BBOX1: variants seen among roughly 807,000 people sequenced by gnomAD.
The protein encoded by BBOX1 is gamma-butyrobetaine dioxygenase.
BBOX1 carries 35 observed loss-of-function variants against 41.6 expected under a neutral mutation model. The ratio of observed to expected loss-of-function variants is 0.84; its 90% CI spans 0.64 to 1.11. The LOEUF is 1.11. Among genes scored for constraint, BBOX1 ranks in the 50% most tolerant of loss-of-function variants. The pLI is 0.00. For synonymous variants in BBOX1, 163 were observed against 154.7 expected (o/e 1.05, Z -0.40); for missense variants, 458 against 460.6 (o/e 0.99, Z 0.05).
rs527266414 is a variant in BBOX1, at chr11:27,084,258, A to G, written c.335-8910A>G. On this transcript the variant is annotated intron_variant, in intron 4 of 8. Transcript: ENST00000263182. ...CTGTTGCCAAAGCAGTAACGTGTTC[A>G]TTACAACACGTTCCAGAGGTTTTCT... 7.2e-5 allele frequency among the ~76,000 whole-genome samples: 11 copies of G among 152,262 alleles called. No individual in the cohort carries two copies. In the South Asian group the frequency reaches 2.1e-3, roughly 29 times the overall value.
intron 5 of BBOX1, among the ~76,000 whole-genome samples, chr11:27,106,617 G>A (rs1463531046): frequency 6.6e-6 from 1 of 152,090 alleles, no homozygotes; most frequent in African/African-American, 2.4e-5. Flanking sequence ...AAGAGACTTA[G>A]TCTCCCACAC....
At chr11:27,106,095 T>A (rs1244159866) in intron 5 of BBOX1, among the ~76,000 whole-genome samples, 1 of 152,064 alleles carries the variant, frequency 6.6e-6, no homozygotes, top group African/African-American at 2.4e-5. Flanking sequence ...AAGGAAGCAC[T>A]AAACATGGAA....
At chr11:27,057,174 G>A (rs1306648881) in intron 3 of BBOX1, 27 bp from the exon 4 acceptor site, 5 of 1,468,558 alleles carry the variant, frequency 3.4e-6, no homozygotes, top group Non-Finnish European at 4.6e-6. Flanking sequence ...AATCCACATA[G>A]GTGAAATTTG....
chr11:27,074,780 G>C (rs145580746), intron 4 of BBOX1, among the ~76,000 whole-genome samples: 86 of 152,302 alleles, frequency 5.6e-4, no homozygotes, highest in African/African-American at 1.6e-3. Flanking sequence ...TGAAAACTTT[G>C]CAGTCATGAA....
chr11:27,126,527 A>G (rs1182737662), intron 8 of BBOX1, among the ~76,000 whole-genome samples: 2 of 152,194 alleles, frequency 1.3e-5, no homozygotes, highest in Admixed American at 6.5e-5. Context: ...ATGTGTGAAA[A>G]GATGAGAGAA....
intron 4 of BBOX1, among the ~76,000 whole-genome samples, chr11:27,087,615 C>T (rs1243015412): frequency 6.6e-6 from 1 of 152,064 alleles, no homozygotes; most frequent in Admixed American, 6.6e-5. Context: ...ACCCAACCCG[C>T]AGTAACTCCA....
intron 2 of BBOX1, among the ~76,000 whole-genome samples, chr11:27,054,938 C>T (rs185887964): frequency 2.4e-4 from 36 of 152,098 alleles, no homozygotes; most frequent in Non-Finnish European, 3.7e-4. Context: ...GACGAGTTTA[C>T]TAATTTAGTA....
At chr11:27,100,369 T>C (rs1364675340) in intron 5 of BBOX1, among the ~76,000 whole-genome samples, 2 of 152,146 alleles carry the variant, frequency 1.3e-5, no homozygotes, top group Non-Finnish European at 2.9e-5. Context: ...TAAAAATGTC[T>C]TCTGGGTTAT....
intron 4 of BBOX1, 56 bp downstream of exon 4, chr11:27,057,371 A>G: frequency 7.2e-7 from 1 of 1,381,214 alleles, no homozygotes; most frequent in Non-Finnish European, 1.0e-6. Flanking sequence ...AAGGATTTTT[A>G]TTAAGAAATT....
intron 4 of BBOX1, among the ~76,000 whole-genome samples, chr11:27,068,544 CT>C (rs1411874294): frequency 1.3e-5 from 2 of 150,564 alleles, no homozygotes; most frequent in Admixed American, 6.6e-5. Context: ...ATTTTTTTTT[CT>C]TTTTTGCTAT....
At chr11:27,077,585 G>T (rs1857674661) in intron 4 of BBOX1, among the ~76,000 whole-genome samples, 2 of 145,208 alleles carry the variant, frequency 1.4e-5, no homozygotes, top group Non-Finnish European at 1.5e-5. Context: ...AAAGGGAGAG[G>T]CATACTAACA....
chr11:27,118,917 C>A (rs1198837104), intron 6 of BBOX1, among the ~76,000 whole-genome samples: 5 of 141,108 alleles, frequency 3.5e-5, no homozygotes, highest in African/African-American at 1.3e-4. Flanking sequence ...CTGACCAGTT[C>A]CTTCCTCAAA....
At chr11:27,121,081 A>G (rs1307724460) in intron 7 of BBOX1, among the ~76,000 whole-genome samples, 1 of 152,202 alleles carries the variant, frequency 6.6e-6, no homozygotes, top group Non-Finnish European at 1.5e-5. Flanking sequence ...CGGAAATTGC[A>G]TTATTAAAGA....
rs2133969649 is a variant in BBOX1, at chr11:27,059,629, C to T, written c.334+2314C>T. Among the ~76,000 whole-genome samples, 2 of 152,304 alleles carry T rather than the reference C, an allele frequency of 1.3e-5. 1 individual carries two copies. The highest frequency in any genetic ancestry group is 2.9e-5 in the Non-Finnish European group (2 of 68,022). ...GGCACTCAACGACCTGTGACAGCAG[C>T]CTCTGGAGCCGAACTTTGCAAAGCC... is the stretch of plus-strand genomic sequence containing the variant. On this transcript the variant is annotated intron_variant, in intron 4 of 8. Transcript: ENST00000263182.
chr11:27,049,358 TTA>T (rs1342080971), intron 2 of BBOX1, among the ~76,000 whole-genome samples: 1 of 152,104 alleles, frequency 6.6e-6, no homozygotes, highest in Non-Finnish European at 1.5e-5. Flanking sequence ...TGCTGGCCAT[TTA>T]TATGTCTTCT....
At chr11:27,087,957 G>C (rs1220452772) in intron 4 of BBOX1, among the ~76,000 whole-genome samples, 1 of 151,968 alleles carries the variant, frequency 6.6e-6, no homozygotes, top group Non-Finnish European at 1.5e-5. Flanking sequence ...CTATTGTATT[G>C]ACAGCTGTGC....
chr11:27,071,303 A>G (rs956458143), intron 4 of BBOX1, among the ~76,000 whole-genome samples: 6 of 151,670 alleles, frequency 4.0e-5, no homozygotes, highest in African/African-American at 1.2e-4. Context: ...AATGGCATGA[A>G]CCTGGGAGGC....
chr11:27,102,926 C>T (rs113861024), intron 5 of BBOX1, among the ~76,000 whole-genome samples: 13 of 152,236 alleles, frequency 8.5e-5, no homozygotes, highest in African/African-American at 2.9e-4. Flanking sequence ...CATGGTGGCT[C>T]ACGCCTGTAA....
At chr11:27,108,892 G>A (rs949800804) in intron 5 of BBOX1, among the ~76,000 whole-genome samples, 2 of 151,958 alleles carry the variant, frequency 1.3e-5, no homozygotes, top group African/African-American at 4.8e-5. Flanking sequence ...TCCTGCCACT[G>A]CCACCCTACT....
Sources: gnomAD v4.1 joint callset for allele counts (sites outside exome capture counted in the v4.1 genomes callset) on GRCh38, gnomAD v4.1.1 for gene constraint, MANE v1.5 for transcripts, NCBI Gene and HGNC (gene_info 2026-07-23, HGNC 2026-07-21) for gene names.